The following EP300 variants were observed in gnomAD, a reference collection of about 807,000 sequenced individuals.
EP300 encodes the protein histone acetyltransferase p300.
Under a neutral mutation model 264.0 loss-of-function variants are expected in EP300, and 31 were observed. That is an observed-to-expected ratio of 0.12 (90% CI 0.09 to 0.16). EP300 has a LOEUF of 0.16. Among genes scored for constraint, EP300 ranks in the 10% least tolerant of loss-of-function variants. The pLI is 1.00. For synonymous variants in EP300, 1,340 were observed against 1,045.4 expected (o/e 1.28, Z -5.44); for missense variants, 2,766 against 3,052.9 (o/e 0.91, Z 2.21).
Position 41,150,212 on chromosome 22 carries a change from TG to T in EP300, c.2817+16del. The T allele has an allele frequency of 6.3e-7, 1 of 1,596,472 alleles. No individual in the cohort carries two copies. The highest frequency in any genetic ancestry group is 1.3e-5 in the African/African-American group (1 of 74,830). ...CCTGCAACTCCAGTAAGTAGAGATTTGGATTTAGGCAGAATCATTAGAGCTA... is the reference window on the plus strand; with the variant it reads ...CCTGCAACTCCAGTAAGTAGAGATTTGATTTAGGCAGAATCATTAGAGCTA... On this transcript the variant is annotated intron_variant, in intron 14 of 30. Coordinates refer to ENST00000263253, the MANE Select transcript of EP300 (RefSeq NM_001429.4).
In EP300 at chr22:41,149,932, G is replaced by A. The variant is rs2145737379; in HGVS notation, c.2551G>A (p.Ala851Thr). 1 of 1,613,610 alleles carries A rather than the reference G, an allele frequency of 6.2e-7. No individual in the cohort carries two copies. Among genetic ancestry groups the A allele is most frequent in the Non-Finnish European group, 8.5e-7 (1 of 1,179,858 alleles). ...TCACCATACTCCCCCAAGCATAGGGGCTCAGCAGCCACCAGCAACAACAAT... is the reference window on the plus strand; with the variant it reads ...TCACCATACTCCCCCAAGCATAGGGACTCAGCAGCCACCAGCAACAACAAT... Reference protein sequence around the residue: ...TPHHTPPSIGAQQPPATTIPA... With the variant: ...TPHHTPPSIGTQQPPATTIPA... Residue 851 changes from alanine (A) to threonine (T), a missense_variant, in exon 14 of 31, where the codon GCT becomes ACT. Physicochemically the swap from Ala to Thr is moderately conservative, Grantham distance 58. Coordinates refer to ENST00000263253, the MANE Select transcript of EP300 (RefSeq NM_001429.4).
intron 25 of EP300, 145 bp from the exon 26 acceptor site, chr22:41,169,358 C>T: frequency 1.5e-6 from 1 of 680,648 alleles, no homozygotes; most frequent in South Asian, 1.6e-5. Context: ...GCGGAGTCGC[C>T]TACCTGCCTG....
intron 1 of EP300, among the ~76,000 whole-genome samples, chr22:41,112,458 C>A (rs2058797818): frequency 6.6e-6 from 1 of 152,052 alleles, no homozygotes; most frequent in African/African-American, 2.4e-5. Context: ...CTTGGCCTCC[C>A]AAAGTGCTGG....
At chr22:41,143,601 A>G (rs545188157) in intron 10 of EP300, among the ~76,000 whole-genome samples, 107 of 151,660 alleles carry the variant, frequency 7.1e-4, no homozygotes, top group African/African-American at 2.4e-3. Flanking sequence ...TTTTTGAAAC[A>G]GTCTCTCTTT....
At chr22:41,168,396 G>A in intron 23 of EP300, 53 bp from the exon 24 acceptor site, 6 of 1,602,026 alleles carry the variant, frequency 3.7e-6, no homozygotes, top group Non-Finnish European at 5.1e-6. Context: ...TGAACCTTAA[G>A]ACTAACAACA....
At chr22:41,137,121 G>A (rs2058955539) in intron 7 of EP300, among the ~76,000 whole-genome samples, 1 of 152,012 alleles carries the variant, frequency 6.6e-6, no homozygotes, top group South Asian at 2.1e-4. Context: ...CACTTTGGGA[G>A]GCCCAGGTGG....
intron 1 of EP300, among the ~76,000 whole-genome samples, chr22:41,111,773 C>T (rs902141686): frequency 4.0e-5 from 6 of 151,684 alleles, no homozygotes; most frequent in Admixed American, 3.3e-4. Flanking sequence ...CACCCGACCT[C>T]AGGTGAACGC....
chr22:41,179,585 A>C lies in EP300; in HGVS notation c.*629A>C. Reference sequence around the variant, plus strand: ...CCCCTCAAGTCAACTTTTGTGCTCCAGAAAATTTTCTATTCTGTAAGTCTG... The same window carrying C: ...CCCCTCAAGTCAACTTTTGTGCTCCCGAAAATTTTCTATTCTGTAAGTCTG... On this transcript the variant is annotated 3_prime_UTR_variant, in exon 31 of 31. Coordinates refer to ENST00000263253, the MANE Select transcript of EP300 (RefSeq NM_001429.4). The C allele has an allele frequency of 4.9e-6, 1 of 203,160 alleles. No homozygotes were observed. The highest frequency in any genetic ancestry group is 1.0e-5 in the Non-Finnish European group (1 of 99,814). The allele number at this position is 203,160 out of a possible 1,614,324, so 12.6% of individuals were successfully genotyped here. A position where few individuals can be genotyped will look rare whatever the true frequency, so the allele number is the denominator to read the frequency against.
chr22:41,107,436 A>T (rs975368624), intron 1 of EP300, among the ~76,000 whole-genome samples: 9 of 148,196 alleles, frequency 6.1e-5, no homozygotes, highest in African/African-American at 2.2e-4. Flanking sequence ...AAAAAAAAAA[A>T]GTGTAACTGT....
intron 15 of EP300, 62 bp from the exon 16 acceptor site, chr22:41,152,144 C>G (rs2059049652): frequency 6.3e-7 from 1 of 1,590,784 alleles, no homozygotes; most frequent in East Asian, 2.2e-5. Flanking sequence ...AAAGGGTGTT[C>G]AGATTACTGA....
chr22:41,145,523 G>C (rs2413637), intron 10 of EP300, among the ~76,000 whole-genome samples: 94,876 of 152,136 alleles, frequency 0.62, 30,059 homozygotes, highest in East Asian at 0.83. Context: ...TGTCCTTTCC[G>C]AGGGTGCTGT....
chr22:41,124,384 G>A (rs945353197), intron 2 of EP300, among the ~76,000 whole-genome samples: 3 of 152,168 alleles, frequency 2.0e-5, no homozygotes, highest in African/African-American at 7.2e-5. Context: ...CATGCTCTAT[G>A]TAAAGGAGTC....
intron 26 of EP300, 110 bp from the exon 27 acceptor site, chr22:41,170,296 C>G: frequency 9.4e-7 from 1 of 1,060,696 alleles, no homozygotes; most frequent in Non-Finnish European, 1.4e-6. Flanking sequence ...ACTGTGTTAT[C>G]TTGGGAAAAA....
intron 10 of EP300, among the ~76,000 whole-genome samples, chr22:41,144,977 G>A (rs2059002637): frequency 6.6e-6 from 1 of 152,094 alleles, no homozygotes; most frequent in African/African-American, 2.4e-5. Context: ...ACTCATGGCT[G>A]ACTCTAGAAG....
intron 1 of EP300, among the ~76,000 whole-genome samples, chr22:41,095,981 C>G (rs986217965): frequency 1.3e-5 from 2 of 152,138 alleles, no homozygotes; most frequent in African/African-American, 2.4e-5. Flanking sequence ...ATTCAAATAA[C>G]TTAGGTTAAA....
intron 1 of EP300, among the ~76,000 whole-genome samples, chr22:41,101,718 T>A (rs1030144001): frequency 6.6e-6 from 1 of 152,034 alleles, no homozygotes; most frequent in Non-Finnish European, 1.5e-5. Context: ...GCCACCTGGG[T>A]CTTAAAGAAT....
rs1161685584 is a variant in EP300, at chr22:41,179,763, A to C, written c.*807A>C. ...TTTTTCGTTATTTTTACATCTAACA[A>C]AGTAAAAAAATTAAAAAGAGGGTAA... On this transcript the variant is annotated 3_prime_UTR_variant, in exon 31 of 31. Coordinates refer to ENST00000263253, the MANE Select transcript of EP300 (RefSeq NM_001429.4). 4.3e-6 allele frequency: 1 copy of C among 231,570 alleles called. No homozygotes were observed. The highest frequency in any genetic ancestry group is 2.2e-5 in the African/African-American group (1 of 45,252). The allele number at this position is 231,570 out of a possible 1,614,324, so 14.3% of individuals were successfully genotyped here. A position where few individuals can be genotyped will look rare whatever the true frequency, so the allele number is the denominator to read the frequency against.
At chr22:41,112,909 A>G (rs1342474331) in intron 1 of EP300, among the ~76,000 whole-genome samples, 3 of 152,122 alleles carry the variant, frequency 2.0e-5, no homozygotes, top group South Asian at 2.1e-4. Flanking sequence ...GTTTACTAGT[A>G]TATTATACTA....
intron 26 of EP300, among the ~76,000 whole-genome samples, 182 bp from the exon 27 acceptor site, chr22:41,170,224 C>G (rs2059161742): frequency 2.0e-5 from 3 of 152,226 alleles, no homozygotes; most frequent in South Asian, 4.1e-4. Context: ...TCCATTGTTA[C>G]TACTGTGAGT....
Sources: allele counts gnomAD v4.1 joint callset (sites outside exome capture counted in the v4.1 genomes callset), GRCh38; gene constraint gnomAD v4.1.1; transcripts MANE v1.5; gene names NCBI Gene and HGNC (gene_info 2026-07-23, HGNC 2026-07-21).